Variants in LRRC8D observed in about 807,000 individuals in gnomAD.
The protein encoded by LRRC8D is volume-regulated anion channel subunit LRRC8D.
LRRC8D carries 20 observed loss-of-function variants against 55.8 expected under a neutral mutation model. The ratio of observed to expected loss-of-function variants is 0.36; its 90% confidence interval spans 0.25 to 0.52. The LOEUF is 0.52. Ranked by LOEUF, LRRC8D falls within the 20% of genes least tolerant of loss-of-function variation. The probability of loss-of-function intolerance (pLI) is 0.93; values close to 1 mark genes in which losing one functional copy is unlikely to be tolerated. For synonymous variants in LRRC8D, 352 were observed against 377.0 expected, an observed-to-expected ratio of 0.93 and a Z score of 0.77; for missense variants, 651 against 1,030.8, an observed-to-expected ratio of 0.63 and a Z score of 5.05.
Position 89,935,472 on chromosome 1 carries a change from C to G in LRRC8D, c.2404C>G (p.Gln802Glu). 1 of 1,614,264 alleles carries G rather than the reference C, an allele frequency of 6.2e-7. No homozygotes were observed. The highest frequency in any genetic ancestry group is 1.1e-5 in the South Asian group (1 of 91,086). The change falls in exon 3 of 3, where the codon CAG (glutamine) becomes GAG (glutamate). Residue 802 changes from glutamine to glutamate, a missense_variant. Transcript: ENST00000337338. ...EKVGQLSQLT[Q>E]LELKGNCLDR... ...AGTTGGTCAGCTCTCCCAGCTCACT[C>G]AGCTGGAGCTGAAGGGGAACTGCTT...
chr1:89,869,910 C>A (rs1661953983), intron 2 of LRRC8D, among the ~76,000 whole-genome samples: 1 of 151,416 alleles, frequency 6.6e-6, no homozygotes, highest in East Asian at 2.0e-4. Context: ...GAGTTTGAGA[C>A]CAGCCTGACC....
intron 2 of LRRC8D, among the ~76,000 whole-genome samples, chr1:89,847,423 A>T (rs1038246045): frequency 1.3e-5 from 2 of 152,170 alleles, no homozygotes; most frequent in Admixed American, 1.3e-4. Flanking sequence ...GAATGAAATG[A>T]TACATGTATG....
At chr1:89,921,941 G>C (rs1175644668) in intron 2 of LRRC8D, among the ~76,000 whole-genome samples, 1 of 152,096 alleles carries the variant, frequency 6.6e-6, no homozygotes, top group Non-Finnish European at 1.5e-5. Context: ...ATGTTTTCTA[G>C]CAGTCACCAA....
intron 2 of LRRC8D, among the ~76,000 whole-genome samples, chr1:89,899,387 A>G (rs1662792634): frequency 6.6e-6 from 1 of 152,180 alleles, no homozygotes; most frequent in Non-Finnish European, 1.5e-5. Flanking sequence ...TTCGCCAGCC[A>G]TTGCTGCTGT....
At chr1:89,844,647 A>G (rs975752169) in intron 2 of LRRC8D, among the ~76,000 whole-genome samples, 1 of 152,198 alleles carries the variant, frequency 6.6e-6, no homozygotes, top group African/African-American at 2.4e-5. Context: ...TTCCATCTCA[A>G]ATGTTCATAG....
intron 1 of LRRC8D, among the ~76,000 whole-genome samples, chr1:89,826,900 C>T (rs532208597): frequency 6.6e-6 from 1 of 152,044 alleles, no homozygotes; most frequent in Non-Finnish European, 1.5e-5. Context: ...TTCTTGTGGG[C>T]AAATAGGTGG....
chr1:89,836,075 A>G (rs527875185), intron 1 of LRRC8D, among the ~76,000 whole-genome samples: 6 of 152,318 alleles, frequency 3.9e-5, no homozygotes, highest in Admixed American at 3.3e-4. Context: ...CTTCCTGCAT[A>G]TTGGCTACAG....
intron 2 of LRRC8D, among the ~76,000 whole-genome samples, chr1:89,854,365 T>C (rs1661497927): frequency 7.0e-6 from 1 of 143,746 alleles, no homozygotes; most frequent in Admixed American, 7.4e-5. Context: ...CAGTGGTGGT[T>C]AGGTGCTGAC....
intron 2 of LRRC8D, among the ~76,000 whole-genome samples, chr1:89,867,319 A>G (rs1327575975): frequency 6.6e-6 from 1 of 152,218 alleles, no homozygotes; most frequent in Non-Finnish European, 1.5e-5. Flanking sequence ...TTTAAGGTTC[A>G]GCTACACTGC....
intron 2 of LRRC8D, among the ~76,000 whole-genome samples, chr1:89,895,613 A>T (rs1662687775): frequency 6.6e-6 from 1 of 152,222 alleles, no homozygotes; most frequent in African/African-American, 2.4e-5. Context: ...TAAAAATTAA[A>T]ATATCTTCAA....
intron 2 of LRRC8D, among the ~76,000 whole-genome samples, chr1:89,885,572 A>G (rs947199411): frequency 1.3e-5 from 2 of 152,194 alleles, no homozygotes; most frequent in Non-Finnish European, 2.9e-5. Flanking sequence ...GAAGAAAGAG[A>G]TTTTAAGTTA....
chr1:89,873,213 A>G (rs1662065559), intron 2 of LRRC8D, among the ~76,000 whole-genome samples: 2 of 152,196 alleles, frequency 1.3e-5, no homozygotes, highest in South Asian at 4.1e-4. Flanking sequence ...CCTCCCCTGT[A>G]ACTCAACAAC....
intron 2 of LRRC8D, among the ~76,000 whole-genome samples, chr1:89,877,171 G>A (rs1662168303): frequency 6.6e-6 from 1 of 151,984 alleles, no homozygotes; most frequent in African/African-American, 2.4e-5. Flanking sequence ...TCTAAGGAAA[G>A]GAACATCTAG....
chr1:89,827,423 C>T (rs555854068), intron 1 of LRRC8D, among the ~76,000 whole-genome samples: 24 of 151,812 alleles, frequency 1.6e-4, no homozygotes, highest in African/African-American at 5.8e-4. Context: ...TTTTTTCCCC[C>T]AAATTCGTGG....
At chr1:89,922,007 A>G (rs1287230873) in intron 2 of LRRC8D, among the ~76,000 whole-genome samples, 1 of 152,182 alleles carries the variant, frequency 6.6e-6, no homozygotes, top group African/African-American at 2.4e-5. Context: ...ATTTGAATCC[A>G]GGTCTCTTGG....
chr1:89,934,179 T>C lies in LRRC8D; in HGVS notation c.1111T>C (p.Ser371Pro). 6.2e-7 allele frequency: 1 copy of C among 1,614,146 alleles called. No individual in the cohort carries two copies. Among genetic ancestry groups the C allele is most frequent in the Non-Finnish European group, 8.5e-7 (1 of 1,179,992 alleles). Residue 371 changes from serine (S) to proline (P), a missense_variant, in exon 3 of 3, where the codon TCC becomes CCC. Coordinates refer to ENST00000337338, the MANE Select transcript of LRRC8D (RefSeq NM_001134479.2). This position sits in a 1 kb window ranked among gnomAD's most constrained non-coding sequence, Gnocchi z 5.9. ...GAAAAAGCTTCTCATCAGTTACATA[T>C]CCATTATTTGTGTTTATGGCTTTAT... The part of the protein sequence containing the change: ...MLKKLLISYI[S>P]IICVYGFICL...
intron 2 of LRRC8D, among the ~76,000 whole-genome samples, chr1:89,875,048 A>G (rs557515909): frequency 6.6e-6 from 1 of 152,308 alleles, no homozygotes; most frequent in African/African-American, 2.4e-5. Context: ...AGTGGGGGGA[A>G]TATCTATCCC....
intron 2 of LRRC8D, among the ~76,000 whole-genome samples, chr1:89,907,449 CA>C (rs567455730): frequency 1.3e-5 from 2 of 152,196 alleles, no homozygotes; most frequent in South Asian, 4.2e-4. Flanking sequence ...CCTAACCTCA[CA>C]AAGTGCTGGG....
At position 89,824,021 on chromosome 1, in the gene LRRC8D, A is replaced by G. The variant is rs147560324; in HGVS notation, c.-148+2730A>G. Among the ~76,000 whole-genome samples, 787 of 152,190 alleles carry G rather than the reference A, an allele frequency of 5.2e-3. 10 individuals are homozygous for G. Among genetic ancestry groups the G allele is most frequent in the African/African-American group, 0.018 (746 of 41,506 alleles). On this transcript the variant is annotated intron_variant, in intron 1 of 2. Transcript: ENST00000337338. ...GACCAGTGGCTCTCAGAAGTAGGCA[A>G]TTTTGCTTCTCAGCAGACATTGAGG... is the stretch of plus-strand genomic sequence containing the variant.
Sources: allele counts gnomAD v4.1 joint callset (sites outside exome capture counted in the v4.1 genomes callset), GRCh38; gene constraint gnomAD v4.1.1; non-coding constraint Gnocchi (gnomAD v3.1); transcripts MANE v1.5; gene names NCBI Gene and HGNC (gene_info 2026-07-23, HGNC 2026-07-21).